The following TRPC7 variants were observed in gnomAD, a reference collection of about 807,000 sequenced individuals.
TRPC7 encodes short transient receptor potential channel 7.
In TRPC7, 42 loss-of-function variants were observed where a neutral mutation model predicts 90.1. That is an observed-to-expected ratio of 0.47 (90% CI 0.36 to 0.60). The LOEUF is 0.60. Among genes scored for constraint, TRPC7 ranks in the 20% least tolerant of loss-of-function variants. The probability of loss-of-function intolerance (pLI) is 0.00; values close to 1 mark genes in which losing one functional copy is unlikely to be tolerated. For missense variants in TRPC7, 955 were observed against 1,112.3 expected (o/e 0.86, Z 2.01); for synonymous variants, 451 against 436.3 (o/e 1.03, Z -0.42).
In TRPC7 at chr5:136,254,185, A is replaced by G. The variant is rs1756615500; in HGVS notation, c.1346-2303T>C. 2.0e-5 allele frequency among the ~76,000 whole-genome samples: 3 copies of G among 152,272 alleles called. No homozygotes were observed. The South Asian group carries it at 6.2e-4, about 32-fold the overall frequency. ...ACCAAGTGCTGATGCAGAAGCTGCA[A>G]CAAGTTATCAGAAGATCTAGCTAAG... is the stretch of plus-strand genomic sequence containing the variant. On this transcript the variant is annotated intron_variant, in intron 5 of 11. Transcript: ENST00000513104.
chr5:136,297,667 A>C lies in TRPC7; in HGVS notation c.963+17930T>G, dbSNP rs144797440. ...AATTATTAATAATTTTATTAATTAAACTATATTTTGTATGTAAATGACTTC... is the reference window on the plus strand; with the variant it reads ...AATTATTAATAATTTTATTAATTAACCTATATTTTGTATGTAAATGACTTC... On this transcript the variant is annotated intron_variant, in intron 3 of 11. Transcript: ENST00000513104. 2.3e-4 allele frequency among the ~76,000 whole-genome samples: 35 copies of C among 152,274 alleles called. No individual in the cohort carries two copies. The East Asian group carries it at 6.7e-3, about 29-fold the overall frequency.
At chr5:136,230,379 C>T (rs1339587580) in intron 8 of TRPC7, among the ~76,000 whole-genome samples, 1 of 152,286 alleles carries the variant, frequency 6.6e-6, no homozygotes. Flanking sequence ...TCTTGTGGAC[C>T]TTTCAGAGGT....
intron 3 of TRPC7, among the ~76,000 whole-genome samples, chr5:136,309,047 A>G (rs1758742044): frequency 1.3e-5 from 2 of 152,172 alleles, no homozygotes; most frequent in Non-Finnish European, 2.9e-5. Flanking sequence ...TGCTGGCCCA[A>G]CTGTAGAGCT....
chr5:136,352,423 A>G (rs1234998796), intron 2 of TRPC7, among the ~76,000 whole-genome samples: 3 of 152,196 alleles, frequency 2.0e-5, no homozygotes, highest in African/African-American at 7.2e-5. Context: ...TGGGAAGCAA[A>G]TAAAGGAGAC....
chr5:136,269,958 G>A (rs181507680), intron 4 of TRPC7, among the ~76,000 whole-genome samples: 1 of 152,292 alleles, frequency 6.6e-6, no homozygotes, highest in Admixed American at 6.5e-5. Context: ...ACTTTGTCCT[G>A]GGGGCTGAAG....
intron 7 of TRPC7, among the ~76,000 whole-genome samples, chr5:136,235,538 C>T (rs1040572384): frequency 6.6e-6 from 1 of 152,098 alleles, no homozygotes; most frequent in African/African-American, 2.4e-5. Context: ...GCTCTAATGC[C>T]CCATGAGGTT....
intron 3 of TRPC7, among the ~76,000 whole-genome samples, chr5:136,276,853 GCA>G (rs1561697945): frequency 6.6e-6 from 1 of 152,252 alleles, no homozygotes; most frequent in East Asian, 1.9e-4. Flanking sequence ...TCTAGTCATA[GCA>G]CAGTCTCAGA....
chr5:136,317,036 A>G (rs1759045522), intron 2 of TRPC7, among the ~76,000 whole-genome samples: 2 of 152,254 alleles, frequency 1.3e-5, no homozygotes, highest in South Asian at 2.1e-4. Context: ...TTTGCATTAG[A>G]GAAAGAGGTA....
intron 2 of TRPC7, among the ~76,000 whole-genome samples, chr5:136,340,532 AT>A (rs1220710011): frequency 6.6e-6 from 1 of 152,190 alleles, no homozygotes; most frequent in Non-Finnish European, 1.5e-5. Context: ...GTATACACAT[AT>A]GAAAACATCA....
chr5:136,350,950 C>T (rs146605831), intron 2 of TRPC7, among the ~76,000 whole-genome samples: 3 of 152,274 alleles, frequency 2.0e-5, no homozygotes, highest in Admixed American at 1.3e-4. Flanking sequence ...GACCTTCCTC[C>T]CTACCAAAAT....
Position 136,254,979 on chromosome 5 carries a change from TAAG to T in TRPC7, c.1346-3100_1346-3098del, listed in dbSNP as rs1360921966. 2.0e-5 allele frequency among the ~76,000 whole-genome samples: 3 copies of T among 152,178 alleles called. No homozygotes were observed. The East Asian group carries it at 5.8e-4, about 29-fold the overall frequency. On this transcript the variant is annotated intron_variant, in intron 5 of 11. Transcript: ENST00000513104. ...GAAGTTACTGCAGATGTGATGGAAA[TAAG>T]AGAACTAGAATTAGAAGTAGGGCCT...
intron 5 of TRPC7, among the ~76,000 whole-genome samples, chr5:136,252,717 C>T (rs920846607): frequency 2.0e-5 from 3 of 152,152 alleles, no homozygotes; most frequent in African/African-American, 7.2e-5. Flanking sequence ...ACCTAGATCC[C>T]TCACATGCAT....
chr5:136,324,794 G>C (rs189902819), intron 2 of TRPC7, among the ~76,000 whole-genome samples: 1 of 152,068 alleles, frequency 6.6e-6, no homozygotes, highest in Non-Finnish European at 1.5e-5. Context: ...TATCCTGATC[G>C]GTCAAAAGTT....
At chr5:136,318,593 C>T (rs1440653596) in intron 2 of TRPC7, among the ~76,000 whole-genome samples, 1 of 152,176 alleles carries the variant, frequency 6.6e-6, no homozygotes, top group Non-Finnish European at 1.5e-5. Context: ...TGGAAGATGA[C>T]CCTCACATTC....
intron 2 of TRPC7, among the ~76,000 whole-genome samples, chr5:136,327,447 G>C (rs185639248): frequency 4.9e-4 from 74 of 152,260 alleles, no homozygotes; most frequent in African/African-American, 1.7e-3. Context: ...GTGTCCTCAG[G>C]GCAGCCAGTC....
In TRPC7 at chr5:136,231,356, C is replaced by G; in HGVS notation, c.2038G>C (p.Glu680Gln). Residue 680 changes from glutamate to glutamine, a missense_variant and splice_region_variant, in exon 8 of 12, where the codon GAG becomes CAG. Physicochemically the swap from Glu to Gln is conservative, Grantham distance 29. Coordinates refer to ENST00000513104, the MANE Select transcript of TRPC7 (RefSeq NM_020389.3). ...CATTTTCAGTGACCTGGCCTTACCT[C>G]AATTTCCTGATAGGAGTTGTTTATC... ...AMINNSYQEI[E>Q]EDADVEWKFA... is the part of the protein sequence containing the mutation. 6.3e-7 allele frequency: 1 copy of G among 1,590,198 alleles called. No individual in the cohort carries two copies. The highest frequency in any genetic ancestry group is 8.6e-7 in the Non-Finnish European group (1 of 1,162,150).
In TRPC7 at chr5:136,357,405, T is replaced by A. The variant is rs1187675217; in HGVS notation, c.3-20A>T. 1 of 1,567,086 alleles carries A rather than the reference T, an allele frequency of 6.4e-7. No homozygotes were observed. Among genetic ancestry groups the A allele is most frequent in the Non-Finnish European group, 8.6e-7 (1 of 1,160,650 alleles). On this transcript the variant is annotated intron_variant, in intron 1 of 11. Coordinates refer to ENST00000513104, the MANE Select transcript of TRPC7 (RefSeq NM_020389.3). ...CTCAACCTATGGGACAAGGCAAAGA[T>A]GCCCTGTTACTTTCCTGCGGATTCC...
At chr5:136,242,001 G>C (rs540106360) in intron 7 of TRPC7, among the ~76,000 whole-genome samples, 1 of 152,296 alleles carries the variant, frequency 6.6e-6, no homozygotes, top group Non-Finnish European at 1.5e-5. Flanking sequence ...TCACTTTATG[G>C]AATATGTGCA....
chr5:136,349,823 A>G (rs1336769700), intron 2 of TRPC7, among the ~76,000 whole-genome samples: 1 of 152,172 alleles, frequency 6.6e-6, no homozygotes, highest in African/African-American at 2.4e-5. Flanking sequence ...GCATAATAGC[A>G]TTTCACTCCA....
Sources: gnomAD v4.1 joint callset for allele counts (sites outside exome capture counted in the v4.1 genomes callset) on GRCh38, gnomAD v4.1.1 for gene constraint, MANE v1.5 for transcripts, NCBI Gene and HGNC (gene_info 2026-07-23, HGNC 2026-07-21) for gene names.